The following ARB2A variants were observed in gnomAD, a reference collection of about 807,000 sequenced individuals.
The protein encoded by ARB2A is cotranscriptional regulator ARB2A.
chr5:94,015,632 T>C, the ARB2A span, among the ~76,000 whole-genome samples: 2 of 152,114 alleles, frequency 1.3e-5, no homozygotes, highest in Non-Finnish European at 1.5e-5. Flanking sequence ...AATATGTAAA[T>C]TGAGGCAATT....
the ARB2A span, among the ~76,000 whole-genome samples, chr5:93,935,882 G>A: frequency 2.7e-4 from 41 of 152,058 alleles, no homozygotes; most frequent in South Asian, 8.3e-3. Flanking sequence ...CTTTAATACG[G>A]CAGAAAAAGA....
At chr5:94,003,429 T>A in the ARB2A span, among the ~76,000 whole-genome samples, 1 of 152,134 alleles carries the variant, frequency 6.6e-6, no homozygotes, top group African/African-American at 2.4e-5. Context: ...TATTTGCAGA[T>A]GATCAGGTTG....
At chr5:93,919,551 T>G in the ARB2A span, among the ~76,000 whole-genome samples, 1 of 152,152 alleles carries the variant, frequency 6.6e-6, no homozygotes, top group East Asian at 1.9e-4. Context: ...GTAACATATC[T>G]TAGGCAATTG....
the ARB2A span, among the ~76,000 whole-genome samples, chr5:93,912,902 C>A: frequency 6.6e-6 from 1 of 151,430 alleles, no homozygotes; most frequent in Non-Finnish European, 1.5e-5. Context: ...AAAGGAAGAC[C>A]ATTTTTTTAA....
chr5:93,750,190 A>C, the ARB2A span, among the ~76,000 whole-genome samples: 1 of 152,212 alleles, frequency 6.6e-6, no homozygotes, highest in South Asian at 2.1e-4. Context: ...ATTAGGGGTA[A>C]GACATGAAAT....
the ARB2A span, among the ~76,000 whole-genome samples, chr5:93,959,250 T>C: frequency 1.3e-5 from 2 of 151,960 alleles, no homozygotes; most frequent in Non-Finnish European, 2.9e-5. Context: ...TATATTATCA[T>C]TGTAAATAAA....
the ARB2A span, among the ~76,000 whole-genome samples, chr5:94,089,594 TACACACACACACAC>T: frequency 8.3e-4 from 113 of 135,664 alleles, no homozygotes; most frequent in East Asian, 1.8e-3. Flanking sequence ...AAACCGTTTA[TACACACACACACAC>T]ACACACACAC....
At chr5:93,722,594 T>C in the ARB2A span, among the ~76,000 whole-genome samples, 1 of 152,126 alleles carries the variant, frequency 6.6e-6, no homozygotes, top group South Asian at 2.1e-4. Flanking sequence ...ATTACATATA[T>C]TACTTTAATG....
chr5:93,874,286 GA>G, the ARB2A span, among the ~76,000 whole-genome samples: 2 of 152,186 alleles, frequency 1.3e-5, no homozygotes, highest in African/African-American at 4.8e-5. Context: ...ACAATCCCCT[GA>G]AAAAAATCCA....
At chr5:93,648,685 C>G in the ARB2A span, among the ~76,000 whole-genome samples, 1 of 152,160 alleles carries the variant, frequency 6.6e-6, no homozygotes, top group Non-Finnish European at 1.5e-5. Context: ...TAACTGCATG[C>G]ATGGATGCTG....
At chr5:94,104,125 C>T in the ARB2A span, among the ~76,000 whole-genome samples, 2 of 151,092 alleles carry the variant, frequency 1.3e-5, no homozygotes, top group African/African-American at 4.9e-5. Context: ...TAAACTAACC[C>T]CAAAGCTAGC....
chr5:93,630,254 C>T, the ARB2A span, among the ~76,000 whole-genome samples: 1 of 152,094 alleles, frequency 6.6e-6, no homozygotes, highest in Non-Finnish European at 1.5e-5. Context: ...AAGTATGAGC[C>T]GGCCACACTG....
the ARB2A span, among the ~76,000 whole-genome samples, chr5:94,076,288 TG>T: frequency 1.3e-5 from 2 of 152,222 alleles, no homozygotes; most frequent in Non-Finnish European, 2.9e-5. Flanking sequence ...ATACCTAGAA[TG>T]TAGCTACTTT....
chr5:94,096,874 T>C, the ARB2A span, among the ~76,000 whole-genome samples: 1 of 152,286 alleles, frequency 6.6e-6, no homozygotes, highest in East Asian at 1.9e-4. Context: ...AGGATTCATT[T>C]CTGGCCTTGA....
chr5:93,817,588 G>A, the ARB2A span, among the ~76,000 whole-genome samples: 1 of 152,138 alleles, frequency 6.6e-6, no homozygotes, highest in Non-Finnish European at 1.5e-5. Context: ...CAAAGCTACA[G>A]TAATCAAGTC....
the ARB2A span, among the ~76,000 whole-genome samples, chr5:93,824,910 T>C: frequency 6.6e-6 from 1 of 152,236 alleles, no homozygotes; most frequent in African/African-American, 2.4e-5. Flanking sequence ...AGAAAGTCAG[T>C]AAGCAAAATG....
At chr5:93,978,093 T>C in the ARB2A span, among the ~76,000 whole-genome samples, 151 of 152,246 alleles carry the variant, frequency 9.9e-4, 1 homozygote, top group Non-Finnish European at 1.4e-3. Context: ...CAAATGGCTG[T>C]TATTCAAAAG....
the ARB2A span, among the ~76,000 whole-genome samples, chr5:93,714,384 C>T: frequency 6.6e-6 from 1 of 152,194 alleles, no homozygotes; most frequent in Non-Finnish European, 1.5e-5. Context: ...ACTGGTGGTG[C>T]TGCCAGGTGC....
the ARB2A span, among the ~76,000 whole-genome samples, chr5:93,837,412 G>C: frequency 6.6e-6 from 1 of 152,100 alleles, no homozygotes; most frequent in Non-Finnish European, 1.5e-5. Flanking sequence ...GCAACGAATA[G>C]TGCTGCAATG....
Sources: gnomAD v4.1 joint callset for allele counts (sites outside exome capture counted in the v4.1 genomes callset) on GRCh38, gnomAD v4.1.1 for gene constraint, MANE v1.5 for transcripts, NCBI Gene and HGNC (gene_info 2026-07-23, HGNC 2026-07-21) for gene names.